Variants in GPR141 observed in about 807,000 individuals in gnomAD.
GPR141 encodes G protein-coupled receptor 141, also known as probable G protein-coupled receptor 141.
A neutral mutation model predicts 6.8 loss-of-function variants in GPR141; 6 were observed. The ratio of observed to expected loss-of-function variants is 0.88; its 90% confidence interval spans 0.48 to 1.74. The LOEUF is 1.74. GPR141 is among the 40% of genes most tolerant of loss of function. The pLI is 0.01. For missense variants in GPR141, 372 were observed against 372.9 expected, an observed-to-expected ratio of 1.00 and a Z score of 0.02; for synonymous variants, 140 against 142.3, an observed-to-expected ratio of 0.98 and a Z score of 0.11.
chr7:37,713,655 T>C (rs1012981872), intron 2 of GPR141: 3 of 152,230 alleles, frequency 2.0e-5, no homozygotes, highest in Non-Finnish European at 2.9e-5. Flanking sequence ...AGACTCTATA[T>C]CTGCAATTGT....
intron 2 of GPR141, among the ~76,000 whole-genome samples, chr7:37,695,594 G>A (rs1013380822): frequency 2.0e-5 from 3 of 152,160 alleles, no homozygotes; most frequent in Admixed American, 6.5e-5. Flanking sequence ...GTTTCCTTCC[G>A]TTCTCTATGT....
rs374545818 is a variant in GPR141 at position 37,702,814 on chromosome 7, A to AAAAAAT, written c.-15+17234_-15+17235insAATAAA. 1.0e-3 allele frequency among the ~76,000 whole-genome samples: 146 copies of AAAAAAT among 145,162 alleles called. 1 individual carries two copies. Among genetic ancestry groups the AAAAAAT allele is most frequent in the African/African-American group, 3.3e-3 (129 of 39,672 alleles). ...TAAAACCCAGTTCAATTCAAAAAAA[A>AAAAAAT]AAATAAATAAAATAAAAATTAAAAA... is the stretch of plus-strand genomic sequence containing the variant. On this transcript the variant is annotated intron_variant, in intron 2 of 2. Coordinates refer to ENST00000334425, the MANE Select transcript of GPR141 (RefSeq NM_001381946.1).
intron 2 of GPR141, among the ~76,000 whole-genome samples, chr7:37,738,654 T>C (rs1358880301): frequency 6.7e-6 from 1 of 149,116 alleles, no homozygotes; most frequent in African/African-American, 2.5e-5. Flanking sequence ...ATTATTATCT[T>C]TTTTTTTTTA....
At chr7:37,721,751 G>A (rs1337808258) in intron 2 of GPR141, among the ~76,000 whole-genome samples, 2 of 152,178 alleles carry the variant, frequency 1.3e-5, no homozygotes, top group African/African-American at 4.8e-5. Context: ...GGTGTAAAGT[G>A]GAGACACAAT....
At chr7:37,707,455 A>G (rs1229660047) in intron 2 of GPR141, among the ~76,000 whole-genome samples, 1 of 152,180 alleles carries the variant, frequency 6.6e-6, no homozygotes, top group Non-Finnish European at 1.5e-5. Context: ...TTGATGAACT[A>G]CAGTGTCCAA....
intron 2 of GPR141, among the ~76,000 whole-genome samples, chr7:37,706,992 G>GCCTCTT (rs1810554020): frequency 6.6e-6 from 1 of 151,702 alleles, no homozygotes; most frequent in African/African-American, 2.4e-5. Flanking sequence ...CACGCCCACT[G>GCCTCTT]CCTCTTCCTC....
At chr7:37,710,902 G>A (rs1010596386) in intron 2 of GPR141, among the ~76,000 whole-genome samples, 3 of 152,142 alleles carry the variant, frequency 2.0e-5, no homozygotes, top group Non-Finnish European at 4.4e-5. Context: ...TGTGATTACT[G>A]TAACTGATAG....
At chr7:37,700,083 A>G (rs1158892038) in intron 2 of GPR141, among the ~76,000 whole-genome samples, 1 of 152,200 alleles carries the variant, frequency 6.6e-6, no homozygotes, top group Non-Finnish European at 1.5e-5. Flanking sequence ...TCATCCAGAT[A>G]TTGTGGTAGA....
chr7:37,731,960 G>A (rs1368407255), intron 2 of GPR141, among the ~76,000 whole-genome samples: 2 of 152,064 alleles, frequency 1.3e-5, no homozygotes, highest in Admixed American at 6.6e-5. Context: ...TCTTCAAGGG[G>A]ACAATAAGGG....
intron 2 of GPR141, among the ~76,000 whole-genome samples, chr7:37,731,406 G>A (rs1285286074): frequency 6.6e-6 from 1 of 152,158 alleles, no homozygotes; most frequent in Non-Finnish European, 1.5e-5. Context: ...AATGTAGAGA[G>A]AAAATTTTAG....
At chr7:37,719,031 G>A (rs766756077) in intron 2 of GPR141, among the ~76,000 whole-genome samples, 3 of 152,220 alleles carry the variant, frequency 2.0e-5, no homozygotes, top group East Asian at 1.9e-4. Context: ...TTGCCTGTGC[G>A]TGAAGAGTTT....
intron 2 of GPR141, among the ~76,000 whole-genome samples, chr7:37,694,261 A>G (rs1006050): frequency 0.42 from 64,264 of 152,190 alleles, 14,178 homozygotes; most frequent in African/African-American, 0.53. Flanking sequence ...GTGCAGCAGC[A>G]AGTGGGAGGG....
intron 2 of GPR141, among the ~76,000 whole-genome samples, chr7:37,687,730 C>T (rs1246092871): frequency 6.6e-6 from 1 of 152,074 alleles, no homozygotes; most frequent in African/African-American, 2.4e-5. Context: ...GCATGTTCTA[C>T]AAATTCAAGA....
At chr7:37,732,680 A>G (rs1033877555) in intron 2 of GPR141, among the ~76,000 whole-genome samples, 5 of 152,192 alleles carry the variant, frequency 3.3e-5, no homozygotes, top group African/African-American at 4.8e-5. Context: ...GGAACAATAA[A>G]TAGGTTATGA....
chr7:37,690,764 TG>T (rs1435446899), intron 2 of GPR141, among the ~76,000 whole-genome samples: 2 of 150,440 alleles, frequency 1.3e-5, no homozygotes, highest in African/African-American at 4.9e-5. Flanking sequence ...CATGTGTTGA[TG>T]AAAAAAAAAA....
chr7:37,739,759 G>C (rs1256033001), intron 2 of GPR141, among the ~76,000 whole-genome samples: 1 of 152,006 alleles, frequency 6.6e-6, no homozygotes, highest in Non-Finnish European at 1.5e-5. Flanking sequence ...TATTTCAGTG[G>C]GGCCCATGGG....
intron 2 of GPR141, among the ~76,000 whole-genome samples, chr7:37,736,385 A>G (rs1174370998): frequency 6.6e-6 from 1 of 152,120 alleles, no homozygotes; most frequent in Non-Finnish European, 1.5e-5. Flanking sequence ...TTAAGAGGAG[A>G]TAACAGATTG....
chr7:37,718,824 C>T (rs1032073137), intron 2 of GPR141, among the ~76,000 whole-genome samples: 1 of 151,190 alleles, frequency 6.6e-6, no homozygotes, highest in Non-Finnish European at 1.5e-5. Context: ...CTCCCTGGCT[C>T]ATTGAACCTT....
chr7:37,703,532 A>G (rs1221351491), intron 2 of GPR141, among the ~76,000 whole-genome samples: 2 of 152,002 alleles, frequency 1.3e-5, no homozygotes, highest in Non-Finnish European at 2.9e-5. Flanking sequence ...TGTAATTTTC[A>G]TTTTTCTTAC....
Sources: gnomAD v4.1 joint callset for allele counts (sites outside exome capture counted in the v4.1 genomes callset) on GRCh38, gnomAD v4.1.1 for gene constraint, MANE v1.5 for transcripts, NCBI Gene and HGNC (gene_info 2026-07-23, HGNC 2026-07-21) for gene names.